TRIM71: variants seen among roughly 807,000 people sequenced by gnomAD.
TRIM71 encodes tripartite motif containing 71, also known as E3 ubiquitin-protein ligase TRIM71.
A neutral mutation model predicts 61.2 loss-of-function variants in TRIM71; 9 were observed. The ratio of observed to expected loss-of-function variants is 0.15; its 90% CI spans 0.09 to 0.26. The LOEUF is 0.26. Ranked by LOEUF, TRIM71 falls within the 10% of genes least tolerant of loss-of-function variation. The pLI, the probability that TRIM71 is intolerant of heterozygous loss-of-function variation, is 1.00. For missense variants in TRIM71, 998 were observed against 1,238.7 expected, an observed-to-expected ratio of 0.81 and a Z score of 2.92; for synonymous variants, 645 against 553.2, an observed-to-expected ratio of 1.17 and a Z score of -2.33.
At chr3:32,865,515 A>G (rs1456813795) in intron 1 of TRIM71, among the ~76,000 whole-genome samples, 2 of 152,170 alleles carry the variant, frequency 1.3e-5, no homozygotes, top group Non-Finnish European at 1.5e-5. Flanking sequence ...GACTCTGCCA[A>G]AACTGGTCGA....
chr3:32,854,153 T>A (rs1169608492), intron 1 of TRIM71, among the ~76,000 whole-genome samples: 1 of 152,222 alleles, frequency 6.6e-6, no homozygotes, highest in African/African-American at 2.4e-5. Context: ...CATGCCTGGC[T>A]AATTTTTTAA....
chr3:32,876,149 C>T (rs1696850156), intron 2 of TRIM71, among the ~76,000 whole-genome samples: 2 of 152,164 alleles, frequency 1.3e-5, no homozygotes, highest in Non-Finnish European at 2.9e-5. Context: ...TATATCAGTG[C>T]ATCTGTCCCT....
intron 1 of TRIM71, among the ~76,000 whole-genome samples, chr3:32,838,838 T>A (rs1696370594): frequency 2.0e-5 from 3 of 152,242 alleles, no homozygotes; most frequent in Admixed American, 2.0e-4. Context: ...TCTCGCTCTG[T>A]CACCCAAGTT....
At chr3:32,864,539 G>A (rs1437022624) in intron 1 of TRIM71, among the ~76,000 whole-genome samples, 1 of 152,188 alleles carries the variant, frequency 6.6e-6, no homozygotes, top group Non-Finnish European at 1.5e-5. Context: ...GCTGGTGCCC[G>A]CTGGGTTCGC....
chr3:32,838,418 TTCTCCATGTTGGTCAGGCTGG>T (rs1696358984), intron 1 of TRIM71, among the ~76,000 whole-genome samples: 1 of 151,994 alleles, frequency 6.6e-6, no homozygotes, highest in South Asian at 2.1e-4. Context: ...GAGACGGGGT[TTCTCCATGTTGGTCAGGCTGG>T]TCTCGAACTC....
At chr3:32,865,680 G>C (rs192966826) in intron 1 of TRIM71, among the ~76,000 whole-genome samples, 3 of 150,026 alleles carry the variant, frequency 2.0e-5, no homozygotes, top group Non-Finnish European at 4.4e-5. Flanking sequence ...AAATGAGGCT[G>C]TTTCTCTTTT....
rs76251485 is a variant in TRIM71 at position 32,840,179 on chromosome 3, A to C, written c.852+21247A>C. On this transcript the variant is annotated intron_variant, in intron 1 of 3. Transcript: ENST00000383763. ...TGTATTGTCAGTGGAAGAGTGCACC[A>C]GCACAGGGAGGGAGAAAAGTTTGCA... Among the ~76,000 whole-genome samples, 376 of 152,310 alleles carry C rather than the reference A, an allele frequency of 2.5e-3. 3 individuals are homozygous for C. Among genetic ancestry groups the C allele is most frequent in the African/African-American group, 8.8e-3 (367 of 41,562 alleles).
At chr3:32,875,289 A>G (rs1696842356) in intron 2 of TRIM71, among the ~76,000 whole-genome samples, 1 of 152,156 alleles carries the variant, frequency 6.6e-6, no homozygotes, top group African/African-American at 2.4e-5. Context: ...ACAGCTAGGG[A>G]GGGGCATGTG....
rs6774703 is a variant in TRIM71 at position 32,886,017 on chromosome 3, G to T, written c.1104G>T (p.Thr368=). 1,612,200 of 1,614,182 alleles carry T rather than the reference G, an allele frequency of 1. 805,144 individuals carry two copies. The highest frequency in any genetic ancestry group is 1 in the East Asian group (44,886 of 44,886). Residue 368 remains threonine, a synonymous_variant, in exon 3 of 4, where the codon ACG becomes ACT. Coordinates refer to ENST00000383763, the MANE Select transcript of TRIM71 (RefSeq NM_001039111.3). ...KVVQSEVKAV[T]ARHKKALEER... The stretch of plus-strand genomic sequence containing the variant: ...TGCAGTCGGAGGTCAAAGCCGTGAC[G>T]GCGAGGCATAAGAAAGCCCTGGAGG...
At position 32,894,336 on chromosome 3, in the gene TRIM71, G is replaced by A. The variant is rs1332479605; in HGVS notation, c.*2525G>A. 6.6e-6 allele frequency: 1 copy of A among 152,162 alleles called. No individual in the cohort carries two copies. Among genetic ancestry groups the A allele is most frequent in the Non-Finnish European group, 1.5e-5 (1 of 68,024 alleles). The allele number at this position is 152,162 out of a possible 1,614,324, so 9.4% of individuals were successfully genotyped here. A position where few individuals can be genotyped will look rare whatever the true frequency, so the allele number is the denominator to read the frequency against. Reference sequence around the variant, plus strand: ...AAATTTTGGGACCTGAATGAGAAATGTTCTTGGTGCATAACAGTAACTAGA... The same window carrying A: ...AAATTTTGGGACCTGAATGAGAAATATTCTTGGTGCATAACAGTAACTAGA... On this transcript the variant is annotated 3_prime_UTR_variant, in exon 4 of 4. Coordinates refer to ENST00000383763, the MANE Select transcript of TRIM71 (RefSeq NM_001039111.3).
Position 32,818,552 on chromosome 3 carries a change from C to A in TRIM71, c.472C>A (p.Pro158Thr). Residue 158 changes from proline to threonine, a missense_variant, in exon 1 of 4, where the codon CCG (proline) becomes ACG (threonine). Transcript: ENST00000383763. ...CCGGCACCACGCTCACCACGCGCAC[C>A]CGCGCGCGTCCGCCTCCGCGCCGCC... ...NHRHHAHHAH[P>T]RASASAPPLP... 1 of 1,262,846 alleles carries A rather than the reference C, an allele frequency of 7.9e-7. No individual in the cohort carries two copies. The highest frequency in any genetic ancestry group is 9.9e-7 in the Non-Finnish European group (1 of 1,011,184). 78.2% of individuals were successfully genotyped at this position (1,262,846 alleles called of 1,614,324 possible).
chr3:32,877,692 C>G (rs750177635), intron 2 of TRIM71, among the ~76,000 whole-genome samples: 18 of 152,108 alleles, frequency 1.2e-4, no homozygotes, highest in Non-Finnish European at 2.4e-4. Flanking sequence ...AAGTCTTCAT[C>G]CCTTCAAATT....
chr3:32,845,334 G>A (rs1696459021), intron 1 of TRIM71, among the ~76,000 whole-genome samples: 1 of 152,190 alleles, frequency 6.6e-6, no homozygotes, highest in Non-Finnish European at 1.5e-5. Context: ...TTGCAAAGAT[G>A]TAGGAATCCC....
At chr3:32,827,869 C>T (rs1207792818) in intron 1 of TRIM71, among the ~76,000 whole-genome samples, 1 of 152,170 alleles carries the variant, frequency 6.6e-6, no homozygotes, top group African/African-American at 2.4e-5. Context: ...TTTGGCCAGC[C>T]ATTTTCTTCT....
At position 32,893,863 on chromosome 3, in the gene TRIM71, A is replaced by G. The variant is rs995814336; in HGVS notation, c.*2052A>G. On this transcript the variant is annotated 3_prime_UTR_variant, in exon 4 of 4. Transcript: ENST00000383763. ...CTGAGTGACCAAAATGGGAAGGAAAAAAAAAACCTCATCTCACAGAGGAGA... is the reference window on the plus strand; with the variant it reads ...CTGAGTGACCAAAATGGGAAGGAAAGAAAAAACCTCATCTCACAGAGGAGA... The G allele has an allele frequency of 6.6e-6, 1 of 152,128 alleles. No individual in the cohort carries two copies. Among genetic ancestry groups the G allele is most frequent in the South Asian group, 2.1e-4 (1 of 4,826 alleles). 9.4% of individuals were successfully genotyped at this position (152,128 alleles called of 1,614,324 possible). A position where few individuals can be genotyped will look rare whatever the true frequency, so the allele number is the denominator to read the frequency against.
rs1348441744 is a variant in TRIM71 at position 32,896,819 on chromosome 3, CTGAA to C, written c.*5011_*5014del. ...AAGACTCTATCTCAGAGCACACTGA[CTGAA>C]TGTTGATGTGTGTAGCAAAGTGTTT... On this transcript the variant is annotated 3_prime_UTR_variant, in exon 4 of 4. Transcript: ENST00000383763. The C allele has an allele frequency of 1.3e-5, 2 of 152,192 alleles. No homozygotes were observed. The highest frequency in any genetic ancestry group is 2.9e-5 in the Non-Finnish European group (2 of 68,056). The allele number at this position is 152,192 out of a possible 1,614,324, so 9.4% of individuals were successfully genotyped here. A position where few individuals can be genotyped will look rare whatever the true frequency, so the allele number is the denominator to read the frequency against.
intron 1 of TRIM71, among the ~76,000 whole-genome samples, chr3:32,828,973 A>T (rs1696235296): frequency 1.3e-5 from 2 of 151,238 alleles, no homozygotes; most frequent in South Asian, 4.2e-4. Flanking sequence ...GGCATGAGCC[A>T]CTGTCCCCCA....
At chr3:32,824,917 C>G (rs1465583691) in intron 1 of TRIM71, among the ~76,000 whole-genome samples, 1 of 152,180 alleles carries the variant, frequency 6.6e-6, no homozygotes, top group African/African-American at 2.4e-5. Flanking sequence ...GCCTCAGCCT[C>G]CCAAGTAGCT....
chr3:32,841,309 T>C (rs977209576), intron 1 of TRIM71, among the ~76,000 whole-genome samples: 1 of 151,946 alleles, frequency 6.6e-6, no homozygotes, highest in African/African-American at 2.4e-5. Flanking sequence ...CCTGATTGTA[T>C]CGATAGTACC....
Sources: allele counts gnomAD v4.1 joint callset (sites outside exome capture counted in the v4.1 genomes callset), GRCh38; gene constraint gnomAD v4.1.1; transcripts MANE v1.5; gene names NCBI Gene and HGNC (gene_info 2026-07-23, HGNC 2026-07-21).